Variants in FMN1 observed in about 807,000 individuals in gnomAD.
FMN1 encodes formin-1.
Under a neutral mutation model 132.4 loss-of-function variants are expected in FMN1, and 110 were observed. The observed-to-expected ratio is 0.83, with a 90% CI of 0.71 to 0.97. The LOEUF is 0.97. Among genes scored for constraint, FMN1 ranks in the 50% least tolerant of loss-of-function variants. FMN1 has a pLI of 0.00. For missense variants in FMN1, 1,792 were observed against 1,705.3 expected (o/e 1.05, Z -0.90); for synonymous variants, 722 against 651.7 (o/e 1.11, Z -1.64).
At chr15:33,183,399 G>C (rs1452821495) in intron 2 of FMN1, among the ~76,000 whole-genome samples, 1 of 152,186 alleles carries the variant, frequency 6.6e-6, no homozygotes. Context: ...ACTGAGGATA[G>C]AGAAATACCA....
intron 6 of FMN1, among the ~76,000 whole-genome samples, chr15:33,037,458 A>G (rs1038969005): frequency 2.0e-5 from 3 of 152,188 alleles, no homozygotes; most frequent in African/African-American, 7.2e-5. Flanking sequence ...GGGTGGCGAG[A>G]GAAGGCAAGT....
chr15:33,099,704 T>A (rs2039221124), intron 4 of FMN1, among the ~76,000 whole-genome samples: 1 of 152,236 alleles, frequency 6.6e-6, no homozygotes, highest in Non-Finnish European at 1.5e-5. Flanking sequence ...ATACCATATC[T>A]GAAACAGCAC....
At chr15:32,839,341 G>C (rs1408881586) in intron 17 of FMN1, among the ~76,000 whole-genome samples, 2 of 152,124 alleles carry the variant, frequency 1.3e-5, no homozygotes, top group Non-Finnish European at 2.9e-5. Flanking sequence ...GGCGTTGGCA[G>C]CAAGGACAAC....
At chr15:33,011,532 T>A (rs2034722815) in intron 6 of FMN1, among the ~76,000 whole-genome samples, 1 of 152,042 alleles carries the variant, frequency 6.6e-6, no homozygotes, top group Non-Finnish European at 1.5e-5. Flanking sequence ...AAAGATTTCT[T>A]AATATTCACA....
intron 4 of FMN1, among the ~76,000 whole-genome samples, chr15:33,129,078 T>A (rs186176831): frequency 1.6e-3 from 240 of 152,316 alleles, no homozygotes; most frequent in Admixed American, 3.7e-3. Flanking sequence ...TTTACAATCC[T>A]CTAGCTAGGC....
At chr15:33,024,609 A>C (rs943818547) in intron 6 of FMN1, among the ~76,000 whole-genome samples, 1 of 152,198 alleles carries the variant, frequency 6.6e-6, no homozygotes, top group Non-Finnish European at 1.5e-5. Flanking sequence ...TTAGAATTCC[A>C]CACATTGTTG....
intron 3 of FMN1, among the ~76,000 whole-genome samples, chr15:33,161,925 A>G (rs1282720132): frequency 2.6e-5 from 1 of 38,528 alleles, no homozygotes; most frequent in Non-Finnish European, 6.1e-5. Context: ...CTCAAAAAAC[A>G]AAAAAGAAAA....
At chr15:32,834,228 AC>A (rs1279369058) in intron 17 of FMN1, among the ~76,000 whole-genome samples, 1 of 152,208 alleles carries the variant, frequency 6.6e-6, no homozygotes, top group Non-Finnish European at 1.5e-5. Context: ...GTTAATATCA[AC>A]CAAAATATTG....
intron 7 of FMN1, among the ~76,000 whole-genome samples, chr15:32,986,604 A>T (rs1566793897): frequency 6.6e-6 from 1 of 152,154 alleles, no homozygotes; most frequent in African/African-American, 2.4e-5. Context: ...TTAACCAGTT[A>T]AAATAATAAA....
Position 32,785,135 on chromosome 15 carries a change from GGT to G in FMN1, c.4131-8218_4131-8217del, listed in dbSNP as rs759634791. Among the ~76,000 whole-genome samples, 1,166 of 137,684 alleles carry G rather than the reference GGT, an allele frequency of 8.5e-3. 11 individuals are homozygous for G. Among genetic ancestry groups the G allele is most frequent in the Middle Eastern group, 0.034 (9 of 268 alleles). The allele number at this position is 137,684 out of a possible 152,430, so 90.3% of individuals were successfully genotyped here. A position where few individuals can be genotyped will look rare whatever the true frequency, so the allele number is the denominator to read the frequency against. ...AGTAACTCTTAAGTATGATGCTAGG[GGT>G]GTGTGTGTGTGTGTGTATACGTACG... On this transcript the variant is annotated intron_variant, in intron 19 of 20. Coordinates refer to ENST00000616417, the MANE Select transcript of FMN1 (RefSeq NM_001277313.2).
intron 2 of FMN1, among the ~76,000 whole-genome samples, chr15:33,180,953 GT>G (rs1965678923): frequency 1.3e-5 from 2 of 152,064 alleles, no homozygotes; most frequent in Non-Finnish European, 2.9e-5. Flanking sequence ...GCTTCACCAT[GT>G]TGTCCAGGCT....
chr15:32,994,796 T>C (rs1262791564), intron 7 of FMN1, among the ~76,000 whole-genome samples: 1 of 152,324 alleles, frequency 6.6e-6, no homozygotes, highest in East Asian at 1.9e-4. Flanking sequence ...ATTTGTTATA[T>C]AGAATGTACC....
intron 17 of FMN1, among the ~76,000 whole-genome samples, chr15:32,825,683 A>C (rs2058346881): frequency 6.6e-6 from 1 of 152,212 alleles, no homozygotes; most frequent in African/African-American, 2.4e-5. Context: ...TGCCTGGCAC[A>C]GTACCTGACA....
At position 32,863,171 on chromosome 15, in the gene FMN1, C is replaced by T. The variant is rs544495451; in HGVS notation, c.3836-6064G>A. ...ATAAATACATCAGTTCGGCTAGGCG[C>T]GGTGGCTCACGCCTGTAATCCCAGC... On this transcript the variant is annotated intron_variant, in intron 16 of 20. Transcript: ENST00000616417. 5.8e-4 allele frequency among the ~76,000 whole-genome samples: 89 copies of T among 152,280 alleles called. 1 individual carries two copies. The highest frequency in any genetic ancestry group is 9.6e-4 in the Non-Finnish European group (65 of 68,028).
intron 17 of FMN1, among the ~76,000 whole-genome samples, chr15:32,810,067 G>A (rs1480131516): frequency 6.6e-5 from 10 of 151,964 alleles, no homozygotes; most frequent in African/African-American, 2.4e-4. Context: ...TTATAGGCAC[G>A]CACCATGGCT....
chr15:33,097,316 A>AAAGAG (rs111519647), intron 4 of FMN1, among the ~76,000 whole-genome samples: 2 of 147,246 alleles, frequency 1.4e-5, no homozygotes, highest in African/African-American at 2.6e-5. Context: ...AAAAAAAAAA[A>AAAGAG]AGAGAGAGAG....
At chr15:33,036,743 G>C (rs369403063) in intron 6 of FMN1, among the ~76,000 whole-genome samples, 13 of 152,310 alleles carry the variant, frequency 8.5e-5, no homozygotes, top group African/African-American at 2.9e-4. Flanking sequence ...AATCCATGTA[G>C]AGCATTTAGC....
At chr15:33,018,963 T>G (rs1445344860) in intron 6 of FMN1, among the ~76,000 whole-genome samples, 1 of 152,178 alleles carries the variant, frequency 6.6e-6, no homozygotes, top group East Asian at 1.9e-4. Context: ...AAAGACAATG[T>G]GGGCCCAAAG....
chr15:32,849,550 C>T (rs989443967), intron 17 of FMN1, among the ~76,000 whole-genome samples: 33 of 151,060 alleles, frequency 2.2e-4, no homozygotes, highest in African/African-American at 7.6e-4. Flanking sequence ...CATTAGAAAC[C>T]GACTTCGGGG....
Sources: gnomAD v4.1 joint callset for allele counts (sites outside exome capture counted in the v4.1 genomes callset) on GRCh38, gnomAD v4.1.1 for gene constraint, MANE v1.5 for transcripts, NCBI Gene and HGNC (gene_info 2026-07-23, HGNC 2026-07-21) for gene names.